The following ZWINT variants were observed in gnomAD, a reference collection of about 807,000 sequenced individuals.
ZWINT encodes ZW10 interacting kinetochore protein, also known as outer kinetochore KNL1 complex subunit ZWINT.
In ZWINT, 41 loss-of-function variants were observed where a neutral mutation model predicts 41.5. The observed-to-expected ratio is 0.99, with a 90% CI of 0.77 to 1.28. ZWINT has a LOEUF of 1.28. Among genes scored for constraint, ZWINT ranks in the 50% most tolerant of loss-of-function variants. The pLI, the probability that ZWINT is intolerant of heterozygous loss-of-function variation, is 0.00. For synonymous variants in ZWINT, 132 were observed against 126.8 expected (o/e 1.04, Z -0.28); for missense variants, 369 against 329.7 (o/e 1.12, Z -0.92).
Position 56,357,513 on chromosome 10 carries a change from T to C in ZWINT, c.*714A>G, listed in dbSNP as rs2132100965. On this transcript the variant is annotated 3_prime_UTR_variant, in exon 9 of 9. Transcript: ENST00000373944. ...ACGTGAGTTGATCATCTGATAAAAG[T>C]AAGAGTTGACAAAAAAGGTACATCT... is the stretch of plus-strand genomic sequence containing the variant. 1 of 152,852 alleles carries C rather than the reference T, an allele frequency of 6.5e-6. No homozygotes were observed. The allele number at this position is 152,852 out of a possible 1,614,324, so 9.5% of individuals were successfully genotyped here.
Position 56,360,330 on chromosome 10 carries a change from GCCT to G in ZWINT, c.92_94del (p.Glu31del), listed in dbSNP as rs1386407512. 1 of 1,614,154 alleles carries G rather than the reference GCCT, an allele frequency of 6.2e-7. No individual in the cohort carries two copies. Among genetic ancestry groups the G allele is most frequent in the Admixed American group, 1.7e-5 (1 of 60,032 alleles). ...AACCAGGATCTTGGCTGGCAGTTCT[GCCT>G]CCTCCTGCAGGCCTACAGGTTCCAA... On this transcript the variant is annotated inframe_deletion, in exon 2 of 9. Transcript: ENST00000373944.
intron 5 of ZWINT, 88 bp from the exon 6 acceptor site, chr10:56,359,035 G>T: frequency 6.7e-7 from 1 of 1,498,762 alleles, no homozygotes. Flanking sequence ...ACCCAGCTCA[G>T]GGCTCAGGCT....
At chr10:56,358,529 T>G in intron 7 of ZWINT, 27 bp downstream of exon 7, 1 of 1,614,040 alleles carries the variant, frequency 6.2e-7, no homozygotes. Context: ...TGCCAGCCCA[T>G]GCCCACCTGT....
At position 56,358,965 on chromosome 10, in the gene ZWINT, G is replaced by A; in HGVS notation, c.481-18C>T. 1 of 1,613,326 alleles carries A rather than the reference G, an allele frequency of 6.2e-7. No homozygotes were observed. Among genetic ancestry groups the A allele is most frequent in the Non-Finnish European group, 8.5e-7 (1 of 1,179,636 alleles). On this transcript the variant is annotated intron_variant, in intron 5 of 8. Coordinates refer to ENST00000373944, the MANE Select transcript of ZWINT (RefSeq NM_007057.4). ...TGCTTCTCCTGCCAGGAGTGAGCAT[G>A]CAGACATTATGCATCAGATGTTGAA... is the stretch of plus-strand genomic sequence containing the variant.
intron 5 of ZWINT, 136 bp downstream of exon 5, chr10:56,359,340 T>G (rs902153530): frequency 6.3e-6 from 5 of 792,894 alleles, no homozygotes; most frequent in African/African-American, 3.4e-5. Flanking sequence ...GTGGTGACAC[T>G]GAGATTCAAG....
chr10:56,361,105 T>C, intron 1 of ZWINT, 91 bp downstream of exon 1: 1 of 1,447,842 alleles, frequency 6.9e-7, no homozygotes, highest in Non-Finnish European at 9.5e-7. Flanking sequence ...TCAACAGCTG[T>C]ACAGGGTCGA....
chr10:56,360,625 G>A (rs1448476961), intron 1 of ZWINT, among the ~76,000 whole-genome samples: 3 of 152,210 alleles, frequency 2.0e-5, no homozygotes, highest in Non-Finnish European at 2.9e-5. Context: ...AGTGGATAAG[G>A]AGTTTGAGAA....
chr10:56,361,117 G>T, intron 1 of ZWINT, 79 bp downstream of exon 1: 1 of 1,519,796 alleles, frequency 6.6e-7, no homozygotes, highest in South Asian at 1.2e-5. Flanking sequence ...CAGGGTCGAG[G>T]GCACCAATCA....
intron 7 of ZWINT, 23 bp downstream of exon 7, chr10:56,358,533 C>G: frequency 8.1e-6 from 13 of 1,613,982 alleles, no homozygotes; most frequent in Non-Finnish European, 1.1e-5. Flanking sequence ...AGCCCATGCC[C>G]ACCTGTTCCA....
intron 3 of ZWINT, 65 bp downstream of exon 3, chr10:56,359,953 C>T (rs1299933966): frequency 1.2e-6 from 2 of 1,606,792 alleles, no homozygotes; most frequent in South Asian, 1.1e-5. Flanking sequence ...AATGGGAGAC[C>T]TAACTGAAAT....
Position 56,361,256 on chromosome 10 carries a change from A to G in ZWINT, c.-20T>C, listed in dbSNP as rs376231141. 8.7e-6 allele frequency: 14 copies of G among 1,608,526 alleles called. No individual in the cohort carries two copies. The highest frequency in any genetic ancestry group is 5.3e-5 in the African/African-American group (4 of 74,918). On this transcript the variant is annotated 5_prime_UTR_variant, in exon 1 of 9. Coordinates refer to ENST00000373944, the MANE Select transcript of ZWINT (RefSeq NM_007057.4). The stretch of plus-strand genomic sequence containing the variant: ...CTCCATCTTTCCAGGCGCCGAGTTC[A>G]GCTGCCTTCCCACAATCCCTAAGAT...
Position 56,360,096 on chromosome 10 carries a change from C to T in ZWINT, c.178G>A (p.Ala60Thr), listed in dbSNP as rs1838288972. The change falls in exon 3 of 9, where the codon GCG (alanine) becomes ACG (threonine). Residue 60 changes from alanine (A) to threonine (T), a missense_variant. Ala to Thr is a moderately conservative substitution (Grantham distance 58, BLOSUM62 0). Transcript: ENST00000373944. ...GCCAGGATGTTCTGCAGGAAATCCG[C>T]TACCTGAAGCTGGCTGCAGAGCAGC... ...DKLLCSQLQVADFLQNILAQE... is the reference protein window; with the variant it reads ...DKLLCSQLQVTDFLQNILAQE... 6.2e-7 allele frequency: 1 copy of T among 1,614,154 alleles called. No homozygotes were observed. Among genetic ancestry groups the T allele is most frequent in the Non-Finnish European group, 8.5e-7 (1 of 1,180,040 alleles).
chr10:56,358,258 G>A (rs1026339925), intron 8 of ZWINT, 73 bp from the exon 9 acceptor site: 3 of 920,064 alleles, frequency 3.3e-6, no homozygotes, highest in Middle Eastern at 2.2e-4. Context: ...GCTCTTTCCT[G>A]TTCCCACCAT....
Position 56,359,978 on chromosome 10 carries a change from C to A in ZWINT, c.256+40G>T, listed in dbSNP as rs772761317. ...CTAACTGAAATCCTCCTTCCTTCCCCACTCAGGTCAGCTGCTACTACAATC... is the reference window on the plus strand; with the variant it reads ...CTAACTGAAATCCTCCTTCCTTCCCAACTCAGGTCAGCTGCTACTACAATC... On this transcript the variant is annotated intron_variant, in intron 3 of 8. Transcript: ENST00000373944. 2.2e-5 allele frequency: 36 copies of A among 1,609,882 alleles called. 1 individual carries two copies. The South Asian group carries it at 4.0e-4, about 18-fold the overall frequency.
At chr10:56,358,480 A>G (rs958062598) in intron 7 of ZWINT, 21 bp from the exon 8 acceptor site, 16 of 1,614,058 alleles carry the variant, frequency 9.9e-6, no homozygotes, top group Non-Finnish European at 1.4e-5. Flanking sequence ...TACAGTATAG[A>G]CAGTGGGTAA....
intron 1 of ZWINT, among the ~76,000 whole-genome samples, chr10:56,360,919 G>T (rs919021190): frequency 2.0e-5 from 3 of 152,146 alleles, no homozygotes; most frequent in African/African-American, 7.2e-5. Context: ...GGAATGTGTC[G>T]TGTTGGGACA....
chr10:56,358,357 A>ATTG lies in ZWINT; in HGVS notation c.*41+19_*41+20insCAA. 5.0e-6 allele frequency: 8 copies of ATTG among 1,599,550 alleles called. No homozygotes were observed. The highest frequency in any genetic ancestry group is 6.9e-6 in the Non-Finnish European group (8 of 1,166,782). ...CCACACTTGCAGTCCAGGGACACCA[A>ATTG]GGCCTGAGTTGGGTCTGACCTTTTC... On this transcript the variant is annotated intron_variant, in intron 8 of 8. Transcript: ENST00000373944.
chr10:56,357,773 T>C lies in ZWINT; in HGVS notation c.*454A>G, dbSNP rs1409512108. 2 of 323,700 alleles carry C rather than the reference T, an allele frequency of 6.2e-6. No individual in the cohort carries two copies. Among genetic ancestry groups the C allele is most frequent in the African/African-American group, 4.4e-5 (2 of 45,786 alleles). The allele number at this position is 323,700 out of a possible 1,614,324, so 20.1% of individuals were successfully genotyped here. On this transcript the variant is annotated 3_prime_UTR_variant, in exon 9 of 9. Transcript: ENST00000373944. Reference sequence around the variant, plus strand: ...CAGTCAGATGAGCTCACTGTTATAATTCTGGTTCACCGCAAGAACCTTAGC... The same window carrying C: ...CAGTCAGATGAGCTCACTGTTATAACTCTGGTTCACCGCAAGAACCTTAGC...
chr10:56,360,181 T>C, intron 2 of ZWINT, 40 bp from the exon 3 acceptor site: 1 of 1,612,652 alleles, frequency 6.2e-7, no homozygotes, highest in Non-Finnish European at 8.5e-7. Flanking sequence ...CATCCTTACC[T>C]CCTTACAGGT....
Sources: allele counts gnomAD v4.1 joint callset (sites outside exome capture counted in the v4.1 genomes callset), GRCh38; gene constraint gnomAD v4.1.1; transcripts MANE v1.5; gene names NCBI Gene and HGNC (gene_info 2026-07-23, HGNC 2026-07-21).